NAE1: variants seen among roughly 807,000 people sequenced by gnomAD.
NAE1 encodes NEDD8 activating enzyme E1 subunit 1.
Under a neutral mutation model 88.0 loss-of-function variants are expected in NAE1, and 59 were observed. The ratio of observed to expected loss-of-function variants is 0.67; its 90% confidence interval spans 0.54 to 0.83. The LOEUF is 0.83. NAE1 is among the 40% of genes least tolerant of loss of function. NAE1 has a pLI of 0.00. For missense variants in NAE1, 554 were observed against 632.8 expected (o/e 0.88, Z 1.34); for synonymous variants, 186 against 208.9 (o/e 0.89, Z 0.95).
intron 11 of NAE1, among the ~76,000 whole-genome samples, chr16:66,816,227 G>A (rs1312564818): frequency 6.6e-6 from 1 of 152,106 alleles, no homozygotes; most frequent in African/African-American, 2.4e-5. Context: ...GTGCAGTGGT[G>A]TAATCTTGGC....
chr16:66,820,858 G>A (rs1251540997), intron 7 of NAE1, among the ~76,000 whole-genome samples: 2 of 143,432 alleles, frequency 1.4e-5, no homozygotes, highest in South Asian at 2.2e-4. Flanking sequence ...CCAAGATCGC[G>A]CCACTGCAGT....
Position 66,809,038 on chromosome 16 carries a change from T to A in NAE1, c.1188A>T (p.Arg396=). The part of the protein sequence containing the change: ...NSAFLRVVRC[R]SLAEEYGLDT... ...CCAAACCATATTCTTCAGCTAAGGA[T>A]CGACATCTTACCACTCGAAGAAATG... Residue 396 remains arginine, a synonymous_variant, in exon 16 of 20, where the codon CGA becomes CGT. Transcript: ENST00000290810. 1.9e-6 allele frequency: 3 copies of A among 1,612,890 alleles called. No individual in the cohort carries two copies. The highest frequency in any genetic ancestry group is 2.5e-6 in the Non-Finnish European group (3 of 1,179,242).
Position 66,830,913 on chromosome 16 carries a change from G to C in NAE1, c.-14C>G, listed in dbSNP as rs573975537. ...CAGCTGCGCCATGGCCGCGCCTGCCGCGCGGAAAACAGCCGAGCCCCTGCG... is the reference window on the plus strand; with the variant it reads ...CAGCTGCGCCATGGCCGCGCCTGCCCCGCGGAAAACAGCCGAGCCCCTGCG... On this transcript the variant is annotated 5_prime_UTR_variant, in exon 1 of 20. Transcript: ENST00000290810. 9 of 1,531,230 alleles carry C rather than the reference G, an allele frequency of 5.9e-6. No homozygotes were observed. Among genetic ancestry groups the C allele is most frequent in the Admixed American group, 3.9e-5 (2 of 51,866 alleles). The allele number at this position is 1,531,230 out of a possible 1,614,324, so 94.9% of individuals were successfully genotyped here.
chr16:66,810,646 C>A lies in NAE1; in HGVS notation c.1110+51G>T, dbSNP rs775506941. 3.3e-6 allele frequency: 5 copies of A among 1,520,650 alleles called. No individual in the cohort carries two copies. In the Admixed American group the frequency reaches 8.9e-5, roughly 27 times the overall value. 94.2% of individuals were successfully genotyped at this position (1,520,650 alleles called of 1,614,324 possible). A position where few individuals can be genotyped will look rare whatever the true frequency, so the allele number is the denominator to read the frequency against. On this transcript the variant is annotated intron_variant, in intron 14 of 19. Transcript: ENST00000290810. Reference sequence around the variant, plus strand: ...CCCTCTGTCTCTAAACCCTTTCTGGCTGGAGTTACGTGCTGAGGCCTGTAT... The same window carrying A: ...CCCTCTGTCTCTAAACCCTTTCTGGATGGAGTTACGTGCTGAGGCCTGTAT...
intron 1 of NAE1, among the ~76,000 whole-genome samples, chr16:66,829,486 T>C (rs1347742485): frequency 1.3e-5 from 2 of 152,206 alleles, no homozygotes; most frequent in South Asian, 2.1e-4. Flanking sequence ...CAAGACTCTG[T>C]TTCTCCAACT....
intron 14 of NAE1, 21 bp downstream of exon 14, chr16:66,810,676 A>G (rs750713493): frequency 6.2e-6 from 10 of 1,609,594 alleles, no homozygotes; most frequent in Non-Finnish European, 8.5e-6. Flanking sequence ...CTGTATGGGC[A>G]CAGTGTGCCC....
At chr16:66,828,643 G>C (rs1433595289) in intron 1 of NAE1, among the ~76,000 whole-genome samples, 1 of 151,786 alleles carries the variant, frequency 6.6e-6, no homozygotes, top group East Asian at 1.9e-4. Context: ...CCTGCGAACA[G>C]CCACTGCACT....
At chr16:66,810,327 C>T in intron 15 of NAE1, 47 bp downstream of exon 15, 1 of 1,453,992 alleles carries the variant, frequency 6.9e-7, no homozygotes, top group African/African-American at 1.4e-5. Flanking sequence ...TTCCCTGTGG[C>T]ACATTTCTAT....
In NAE1 at chr16:66,818,521, T is replaced by TA. The variant is rs1960138229; in HGVS notation, c.621+6dup. Reference sequence around the variant, plus strand: ...TCTGTAAATGTAAGGTCACACACACTACCAACCTTTTTTTCCATATGATCC... The same window carrying TA: ...TCTGTAAATGTAAGGTCACACACACTAACCAACCTTTTTTTCCATATGATCC... On this transcript the variant is annotated splice_region_variant and intron_variant, in intron 8 of 19. Transcript: ENST00000290810. The TA allele has an allele frequency of 1.2e-6, 2 of 1,605,630 alleles. No individual in the cohort carries two copies. Among genetic ancestry groups the TA allele is most frequent in the African/African-American group, 2.7e-5 (2 of 74,408 alleles).
chr16:66,822,666 ATTTAT>A (rs1413790937), intron 6 of NAE1, among the ~76,000 whole-genome samples: 1 of 146,854 alleles, frequency 6.8e-6, no homozygotes, highest in Non-Finnish European at 1.5e-5. Flanking sequence ...TTATTTATTT[ATTTAT>A]TTATTTTTTT....
At chr16:66,808,850 A>G (rs759781292) in intron 16 of NAE1, 139 bp downstream of exon 16, 29 of 630,546 alleles carry the variant, frequency 4.6e-5, no homozygotes, top group Non-Finnish European at 3.9e-5. Flanking sequence ...AATTACCTAG[A>G]TAAGCTTAGA....
intron 9 of NAE1, 140 bp from the exon 10 acceptor site, chr16:66,817,168 G>A: frequency 3.4e-6 from 4 of 1,184,864 alleles, no homozygotes; most frequent in Non-Finnish European, 4.6e-6. Context: ...TCACTTGATA[G>A]AAAACAGACA....
chr16:66,808,725 A>C, intron 16 of NAE1, 112 bp from the exon 17 acceptor site: 2 of 813,332 alleles, frequency 2.5e-6, no homozygotes, highest in Non-Finnish European at 4.1e-6. Flanking sequence ...GGAGTCACAC[A>C]ATCTCTACTG....
At chr16:66,823,076 CAAAAA>C (rs776599321) in intron 6 of NAE1, 146 bp downstream of exon 6, 169 of 151,652 alleles carry the variant, frequency 1.1e-3, no homozygotes, top group Middle Eastern at 4.7e-3. Context: ...AGCTCAAGCT[CAAAAA>C]AAAAAAAAAA....
chr16:66,818,632 C>G lies in NAE1; in HGVS notation c.517G>C (p.Glu173Gln). 6.3e-7 allele frequency: 1 copy of G among 1,596,388 alleles called. No individual in the cohort carries two copies. The highest frequency in any genetic ancestry group is 1.1e-5 in the South Asian group (1 of 87,224). ...TCTAATGCATTATCTGGATGAGATT[C>G]TATTACTGTGAAACAAAGAATTCAA... ...RIIIKEHPVI[E>Q]SHPDNALEDL... Residue 173 changes from glutamate (E) to glutamine (Q), a missense_variant, in exon 8 of 20, where the codon GAA (glutamate) becomes CAA (glutamine). By Grantham distance (29) the Glu-to-Gln change is conservative (BLOSUM62 2). Transcript: ENST00000290810.
intron 17 of NAE1, chr16:66,806,289 C>T: frequency 3.4e-6 from 1 of 293,470 alleles, no homozygotes. Context: ...GCACATAGTG[C>T]TTAATAATTA....
At chr16:66,819,356 C>T (rs1488263013) in intron 7 of NAE1, among the ~76,000 whole-genome samples, 1 of 152,178 alleles carries the variant, frequency 6.6e-6, no homozygotes, top group African/African-American at 2.4e-5. Context: ...AGTAACTCCC[C>T]ACTTCCTAAT....
chr16:66,820,705 T>C (rs778368745), intron 7 of NAE1, among the ~76,000 whole-genome samples: 2 of 151,812 alleles, frequency 1.3e-5, no homozygotes. Flanking sequence ...ATTGAGACCA[T>C]CCTGGCTAAC....
At chr16:66,829,759 T>G (rs569002530) in intron 1 of NAE1, among the ~76,000 whole-genome samples, 4 of 152,336 alleles carry the variant, frequency 2.6e-5, no homozygotes, top group African/African-American at 7.2e-5. Flanking sequence ...CCAAGGACCC[T>G]CCTGATGGCT....
Sources: gnomAD v4.1 joint callset for allele counts (sites outside exome capture counted in the v4.1 genomes callset) on GRCh38, gnomAD v4.1.1 for gene constraint, MANE v1.5 for transcripts, NCBI Gene and HGNC (gene_info 2026-07-23, HGNC 2026-07-21) for gene names.